Variants in SLC30A9 observed in about 807,000 individuals in gnomAD.
The protein encoded by SLC30A9 is solute carrier family 30 member 9.
In SLC30A9, 58 loss-of-function variants were observed where a neutral mutation model predicts 87.5. The observed-to-expected ratio is 0.66, with a 90% confidence interval of 0.54 to 0.82. The LOEUF (loss-of-function observed/expected upper bound fraction) is 0.82, where lower values mean the gene tolerates loss of function less well. Ranked by LOEUF, SLC30A9 falls within the 40% of genes least tolerant of loss-of-function variation. The probability of loss-of-function intolerance (pLI) is 0.00; values close to 1 mark genes in which losing one functional copy is unlikely to be tolerated. For synonymous variants in SLC30A9, 234 were observed against 233.0 expected, an observed-to-expected ratio of 1.00 and a Z score of -0.04; for missense variants, 557 against 679.1, an observed-to-expected ratio of 0.82 and a Z score of 2.00.
chr4:42,059,591 A>G (rs1342642152), intron 9 of SLC30A9, among the ~76,000 whole-genome samples: 1 of 152,172 alleles, frequency 6.6e-6, no homozygotes, highest in East Asian at 1.9e-4. Flanking sequence ...CAATATATAT[A>G]TATTGTTTAA....
chr4:42,035,141 T>C, intron 6 of SLC30A9, 134 bp from the exon 7 acceptor site: 2 of 841,932 alleles, frequency 2.4e-6, no homozygotes, highest in Non-Finnish European at 3.6e-6. Flanking sequence ...CAAATCCAAA[T>C]TTTTTATAAC....
chr4:42,032,252 T>C (rs1336268355), intron 6 of SLC30A9, among the ~76,000 whole-genome samples: 1 of 152,032 alleles, frequency 6.6e-6, no homozygotes, highest in African/African-American at 2.4e-5. Flanking sequence ...GATTTCAATT[T>C]GACATGAGAT....
chr4:42,014,564 A>AG (rs1715620480), intron 2 of SLC30A9, among the ~76,000 whole-genome samples: 1 of 151,912 alleles, frequency 6.6e-6, no homozygotes, highest in South Asian at 2.1e-4. Context: ...GCAAAAAAAA[A>AG]AAAAAGGAAA....
chr4:42,081,112 T>G (rs1191923210), intron 17 of SLC30A9, among the ~76,000 whole-genome samples: 1 of 152,238 alleles, frequency 6.6e-6, no homozygotes, highest in African/African-American at 2.4e-5. Flanking sequence ...TAAACCGAGT[T>G]TGTTAATCTT....
intron 3 of SLC30A9, among the ~76,000 whole-genome samples, chr4:42,020,208 A>G (rs1715890007): frequency 6.6e-6 from 1 of 152,214 alleles, no homozygotes; most frequent in African/African-American, 2.4e-5. Context: ...TCAGTTATAG[A>G]TGACATATAG....
chr4:42,061,318 T>G (rs1234747176), intron 10 of SLC30A9, among the ~76,000 whole-genome samples: 1 of 152,250 alleles, frequency 6.6e-6, no homozygotes, highest in Non-Finnish European at 1.5e-5. Flanking sequence ...TTAATTTATT[T>G]AAATTTAAAT....
intron 9 of SLC30A9, among the ~76,000 whole-genome samples, chr4:42,058,116 A>C (rs1319995601): frequency 1.3e-5 from 2 of 151,980 alleles, no homozygotes; most frequent in African/African-American, 4.8e-5. Context: ...AAAAAAAAAA[A>C]AAAAACTGAA....
chr4:42,075,910 A>T (rs1358478162), intron 16 of SLC30A9, 124 bp downstream of exon 16: 1 of 841,134 alleles, frequency 1.2e-6, no homozygotes, highest in African/African-American at 1.7e-5. Context: ...TAGGTTCCAA[A>T]ATTTAACAGA....
chr4:41,993,740 A>G (rs968851958), intron 1 of SLC30A9, among the ~76,000 whole-genome samples: 3 of 152,216 alleles, frequency 2.0e-5, no homozygotes, highest in African/African-American at 7.2e-5. Flanking sequence ...ACATATTAAA[A>G]TGTTTGCAGA....
chr4:42,060,146 C>G (rs1717784278), intron 9 of SLC30A9, 45 bp from the exon 10 acceptor site: 1 of 1,446,260 alleles, frequency 6.9e-7, no homozygotes, highest in Non-Finnish European at 9.7e-7. Flanking sequence ...ATTATACTCT[C>G]CATCTTGCTA....
At chr4:42,080,079 G>A (rs150011418) in intron 17 of SLC30A9, among the ~76,000 whole-genome samples, 98 of 152,270 alleles carry the variant, frequency 6.4e-4, no homozygotes, top group Non-Finnish European at 1.2e-3. Context: ...TTGTTTGGCC[G>A]AAGAACATGA....
chr4:42,024,419 C>G (rs1716101386), intron 6 of SLC30A9, among the ~76,000 whole-genome samples: 1 of 152,192 alleles, frequency 6.6e-6, no homozygotes, highest in Non-Finnish European at 1.5e-5. Context: ...ATATAGAAAT[C>G]TACCTCATTC....
At chr4:42,042,568 G>A (rs544137678) in intron 8 of SLC30A9, among the ~76,000 whole-genome samples, 1 of 152,322 alleles carries the variant, frequency 6.6e-6, no homozygotes, top group Admixed American at 6.5e-5. Context: ...AGGCCCAGCA[G>A]TCCCGGTCAG....
chr4:42,042,082 C>T (rs1471337483), intron 8 of SLC30A9, among the ~76,000 whole-genome samples: 3 of 152,176 alleles, frequency 2.0e-5, no homozygotes, highest in East Asian at 3.9e-4. Context: ...GAGATTCCCT[C>T]GGGTGCCTAC....
intron 15 of SLC30A9, among the ~76,000 whole-genome samples, chr4:42,073,959 A>C (rs1407506391): frequency 6.6e-6 from 1 of 152,230 alleles, no homozygotes; most frequent in Admixed American, 6.5e-5. Context: ...TAAGAACATA[A>C]GGAAAAAGTA....
rs907280630 is a variant in SLC30A9 at position 42,007,529 on chromosome 4, A to T, written c.274+5749A>T. The stretch of plus-strand genomic sequence containing the variant: ...CACTTTGGGAGGCCGAGGCAGGCTG[A>T]TCACGAGGTCATGAGATCAAGACCA... On this transcript the variant is annotated intron_variant, in intron 2 of 17. Transcript: ENST00000264451. Among the ~76,000 whole-genome samples the T allele has an allele frequency of 3.3e-5, 5 of 152,172 alleles. No individual in the cohort carries two copies. The South Asian group carries it at 1.0e-3, about 32-fold the overall frequency.
rs537673760 is a variant in SLC30A9, at chr4:42,030,382, T to C, written c.611-4893T>C. ...GGATGTGCTCATTTTTACTGTAAAT[T>C]ATGATTCCATAAGTGACTTGTAAGC... is the stretch of plus-strand genomic sequence containing the variant. On this transcript the variant is annotated intron_variant, in intron 6 of 17. Coordinates refer to ENST00000264451, the MANE Select transcript of SLC30A9 (RefSeq NM_006345.4). 3.9e-5 allele frequency among the ~76,000 whole-genome samples: 6 copies of C among 152,342 alleles called. No individual in the cohort carries two copies. The South Asian group carries it at 1.2e-3, about 32-fold the overall frequency.
intron 8 of SLC30A9, among the ~76,000 whole-genome samples, chr4:42,047,914 C>A (rs1266892666): frequency 1.3e-5 from 2 of 152,168 alleles, no homozygotes; most frequent in East Asian, 3.9e-4. Flanking sequence ...AGGATGAGTT[C>A]ATGTCCTTTG....
At chr4:42,079,357 G>A (rs577781238) in intron 17 of SLC30A9, among the ~76,000 whole-genome samples, 12 of 150,484 alleles carry the variant, frequency 8.0e-5, no homozygotes, top group East Asian at 3.9e-4. Flanking sequence ...GCAGTGGCAC[G>A]ATCTGGGCTC....
Sources: gnomAD v4.1 joint callset for allele counts (sites outside exome capture counted in the v4.1 genomes callset) on GRCh38, gnomAD v4.1.1 for gene constraint, MANE v1.5 for transcripts, NCBI Gene and HGNC (gene_info 2026-07-23, HGNC 2026-07-21) for gene names.